The following ATP13A4 variants were observed in gnomAD, a reference collection of about 807,000 sequenced individuals.
ATP13A4 encodes probable cation-transporting ATPase 13A4.
A neutral mutation model predicts 142.5 loss-of-function variants in ATP13A4; 114 were observed. The observed-to-expected ratio is 0.80, with a 90% CI of 0.69 to 0.93. ATP13A4 has a LOEUF of 0.93. Ranked by LOEUF, ATP13A4 falls within the 40% of genes least tolerant of loss-of-function variation. ATP13A4 has a pLI of 0.00. For synonymous variants in ATP13A4, 488 were observed against 514.8 expected (o/e 0.95, Z 0.70); for missense variants, 1,392 against 1,454.0 (o/e 0.96, Z 0.69).
At chr3:193,559,036 G>A (rs1037084048), upstream of ATP13A4, among the ~76,000 whole-genome samples, 10 of 152,280 alleles carry the variant, frequency 6.6e-5, no homozygotes, top group East Asian at 5.8e-4. Context: ...TGGCAGGACC[G>A]GTTTCTCTGC....
At chr3:193,537,109 TA>T (rs201627377) in intron 1 of ATP13A4, among the ~76,000 whole-genome samples, 2,397 of 152,176 alleles carry the variant, frequency 0.016, 81 homozygotes, top group African/African-American at 0.055. Context: ...AGGATAATGC[TA>T]AAATTTATAT....
At chr3:193,409,017 T>G (rs1483019256) in intron 28 of ATP13A4, among the ~76,000 whole-genome samples, 1 of 152,204 alleles carries the variant, frequency 6.6e-6, no homozygotes, top group African/African-American at 2.4e-5. Context: ...TGTCCCAAAG[T>G]ATGTAAAATA....
At chr3:193,562,027 CT>C (rs1724027963) in intron 2 of ATP13A4, among the ~76,000 whole-genome samples, 1 of 152,214 alleles carries the variant, frequency 6.6e-6, no homozygotes, top group Admixed American at 6.5e-5. Flanking sequence ...TGTTGGCTAG[CT>C]GCAAGCTTTG....
chr3:193,490,006 G>A (rs975899043), intron 6 of ATP13A4, 142 bp from the exon 7 acceptor site: 57 of 932,680 alleles, frequency 6.1e-5, no homozygotes, highest in African/African-American at 4.5e-4. Context: ...CAATTGACAC[G>A]TGCCAGACAC....
At chr3:193,405,802 A>G (rs1482353888) in intron 29 of ATP13A4, among the ~76,000 whole-genome samples, 2 of 152,126 alleles carry the variant, frequency 1.3e-5, no homozygotes. Context: ...GGATACTACT[A>G]CAGCTGTGCT....
intron 16 of ATP13A4, among the ~76,000 whole-genome samples, chr3:193,455,877 T>A (rs111964500): frequency 0.031 from 4,665 of 152,240 alleles, 239 homozygotes; most frequent in African/African-American, 0.11. Context: ...TGAGATCATG[T>A]CCTTTGCAGA....
At chr3:193,427,677 C>A (rs1456365768) in intron 25 of ATP13A4, among the ~76,000 whole-genome samples, 1 of 152,070 alleles carries the variant, frequency 6.6e-6, no homozygotes, top group Non-Finnish European at 1.5e-5. Flanking sequence ...CTGACAAAAA[C>A]AAGAAATGGG....
chr3:193,470,877 C>A lies in ATP13A4; in HGVS notation c.925G>T (p.Asp309Tyr). The part of the protein sequence containing the change: ...AVLIEGSCVV[D>Y]EGMLTGESIP... ...ACTGTACCTGTCAGCATGCCTTCAT[C>A]CACCACACAGCTGCCTTCAATCAGA... The change falls in exon 9 of 30, where the codon GAT (aspartate) becomes TAT (tyrosine). Residue 309 changes from aspartate (D) to tyrosine (Y), a missense_variant. Physicochemically the swap from Asp to Tyr is radical, Grantham distance 160. Coordinates refer to ENST00000342695, the MANE Select transcript of ATP13A4 (RefSeq NM_032279.4). 6.2e-7 allele frequency: 1 copy of A among 1,614,094 alleles called. No homozygotes were observed.
At chr3:193,503,643 G>A (rs1005828867) in intron 2 of ATP13A4, among the ~76,000 whole-genome samples, 5 of 152,196 alleles carry the variant, frequency 3.3e-5, no homozygotes, top group Non-Finnish European at 7.3e-5. Flanking sequence ...GCAGAGAGGG[G>A]AAGATACAAT....
chr3:193,579,826 G>A (rs78861931), intron 2 of ATP13A4, among the ~76,000 whole-genome samples: 3,368 of 152,244 alleles, frequency 0.022, 114 homozygotes, highest in African/African-American at 0.075. Flanking sequence ...ATCACTGAAT[G>A]CACACTATGT....
chr3:193,561,738 G>A (rs2108736838), intron 2 of ATP13A4, among the ~76,000 whole-genome samples: 1 of 152,288 alleles, frequency 6.6e-6, no homozygotes, highest in Non-Finnish European at 1.5e-5. Flanking sequence ...CCCTGCCAAA[G>A]CACTTCAAAT....
At chr3:193,562,728 G>A (rs182836795) in intron 2 of ATP13A4, among the ~76,000 whole-genome samples, 117 of 152,116 alleles carry the variant, frequency 7.7e-4, no homozygotes, top group African/African-American at 2.8e-3. Flanking sequence ...AAAATTAGCC[G>A]GGTGTGGTGG....
intron 1 of ATP13A4, among the ~76,000 whole-genome samples, chr3:193,543,907 A>C (rs1284715101): frequency 6.6e-6 from 1 of 152,222 alleles, no homozygotes; most frequent in East Asian, 1.9e-4. Flanking sequence ...CCAAGTTTGG[A>C]CTACAGCATC....
chr3:193,488,007 T>C (rs1444032201), intron 7 of ATP13A4, among the ~76,000 whole-genome samples: 1 of 152,196 alleles, frequency 6.6e-6, no homozygotes, highest in Non-Finnish European at 1.5e-5. Context: ...CTCACGCCTG[T>C]AATCCCAGCA....
intron 17 of ATP13A4, among the ~76,000 whole-genome samples, chr3:193,450,390 G>A (rs887370336): frequency 1.3e-5 from 2 of 152,142 alleles, no homozygotes; most frequent in Non-Finnish European, 2.9e-5. Flanking sequence ...GGTAATCTAT[G>A]GAAATTCCTC....
rs918005764 is a variant in ATP13A4 at position 193,554,813 on chromosome 3, C to T, written c.-14G>A. On this transcript the variant is annotated 5_prime_UTR_variant, in exon 1 of 30. Coordinates refer to ENST00000342695, the MANE Select transcript of ATP13A4 (RefSeq NM_032279.4). ...AAAGTGTCCCATGAAAAAGTTATTC[C>T]ACACCTCCTCCCTGACCTTGTCGTG... is the stretch of plus-strand genomic sequence containing the variant. 6.2e-7 allele frequency: 1 copy of T among 1,613,936 alleles called. No homozygotes were observed. Among genetic ancestry groups the T allele is most frequent in the Non-Finnish European group, 8.5e-7 (1 of 1,179,994 alleles).
At chr3:193,512,470 T>G (rs958806088) in intron 2 of ATP13A4, among the ~76,000 whole-genome samples, 6 of 152,202 alleles carry the variant, frequency 3.9e-5, no homozygotes, top group African/African-American at 1.4e-4. Context: ...TGTCTAGGTC[T>G]CTATTTCTCT....
At position 193,399,411 on chromosome 3, in the gene ATP13A4, G is replaced by A. The variant is rs761069804; in HGVS notation, c.*3241C>T. ...CCCCTACTCTGCCCCTCTTTCCTAG[G>A]ATCTTATCTCCATTAGGGGTCCCCT... On this transcript the variant is annotated 3_prime_UTR_variant, in exon 30 of 30. Transcript: ENST00000342695. Among the ~76,000 whole-genome samples, 51 of 152,162 alleles carry A rather than the reference G, an allele frequency of 3.4e-4. No individual in the cohort carries two copies. Among genetic ancestry groups the A allele is most frequent in the Middle Eastern group, 3.4e-3 (1 of 294 alleles).
chr3:193,430,353 T>C (rs1263360774), intron 25 of ATP13A4, among the ~76,000 whole-genome samples: 1 of 152,134 alleles, frequency 6.6e-6, no homozygotes, highest in Non-Finnish European at 1.5e-5. Context: ...GCTCCTTTAA[T>C]ATGTCAGAAG....
Sources: gnomAD v4.1 joint callset for allele counts (sites outside exome capture counted in the v4.1 genomes callset) on GRCh38, gnomAD v4.1.1 for gene constraint, MANE v1.5 for transcripts, NCBI Gene and HGNC (gene_info 2026-07-23, HGNC 2026-07-21) for gene names.